Variants in GALNT6 observed in about 807,000 individuals in gnomAD.
GALNT6 encodes polypeptide N-acetylgalactosaminyltransferase 6, also known as GalNAc transferase 6.
Under a neutral mutation model 65.9 loss-of-function variants are expected in GALNT6, and 51 were observed. That is an observed-to-expected ratio of 0.77 (90% confidence interval 0.62 to 0.98). GALNT6 has a LOEUF of 0.98. Among genes scored for constraint, GALNT6 ranks in the 50% least tolerant of loss-of-function variants. The pLI, the probability that GALNT6 is intolerant of heterozygous loss-of-function variation, is 0.00. For missense variants in GALNT6, 708 were observed against 803.3 expected (o/e 0.88, Z 1.43); for synonymous variants, 323 against 315.1 (o/e 1.02, Z -0.26).
chr12:51,390,592 T>C (rs1948038654), intron 2 of GALNT6, among the ~76,000 whole-genome samples: 1 of 152,250 alleles, frequency 6.6e-6, no homozygotes, highest in Non-Finnish European at 1.5e-5. Flanking sequence ...GAGCGGAGAA[T>C]AGGGCCTGTG....
In GALNT6 at chr12:51,364,329, G is replaced by T. The variant is rs1160353304; in HGVS notation, c.841C>A (p.Pro281Thr). The change falls in exon 6 of 12, where the codon CCC becomes ACC. Residue 281 changes from proline to threonine, a missense_variant. Coordinates refer to ENST00000356317, the MANE Select transcript of GALNT6 (RefSeq NM_007210.4). Reference sequence around the variant, plus strand: ...TCCTCAGCGATTCGAGCCAGGAGGGGCTCCAGCCAGCCGTGGAAGCACTCA... The same window carrying T: ...TCCTCAGCGATTCGAGCCAGGAGGGTCTCCAGCCAGCCGTGGAAGCACTCA... ...HCECFHGWLEPLLARIAEDKT... is the reference protein window; with the variant it reads ...HCECFHGWLETLLARIAEDKT... 1 of 1,613,968 alleles carries T rather than the reference G, an allele frequency of 6.2e-7. No homozygotes were observed. Among genetic ancestry groups the T allele is most frequent in the Non-Finnish European group, 8.5e-7 (1 of 1,179,940 alleles).
chr12:51,382,071 T>A (rs1159204165), intron 2 of GALNT6, among the ~76,000 whole-genome samples: 1 of 152,232 alleles, frequency 6.6e-6, no homozygotes, highest in Non-Finnish European at 1.5e-5. Flanking sequence ...AAATGTGGCT[T>A]CTTTTATAAC....
intron 2 of GALNT6, 111 bp from the exon 3 acceptor site, chr12:51,379,995 T>C (rs1235780085): frequency 1.0e-5 from 6 of 574,752 alleles, no homozygotes; most frequent in African/African-American, 1.9e-5. Flanking sequence ...CATCACCTTA[T>C]TGGCCACAAC....
chr12:51,379,177 A>G (rs1947570858), intron 3 of GALNT6, 114 bp downstream of exon 3: 3 of 1,006,346 alleles, frequency 3.0e-6, no homozygotes, highest in Non-Finnish European at 4.3e-6. Flanking sequence ...CCTTGCCCAT[A>G]TTATAAAATT....
At chr12:51,389,206 C>T (rs1015460168) in intron 2 of GALNT6, among the ~76,000 whole-genome samples, 8 of 152,224 alleles carry the variant, frequency 5.3e-5, no homozygotes, top group African/African-American at 1.2e-4. Context: ...ACCCAAGCTA[C>T]GGCATGGACA....
intron 3 of GALNT6, among the ~76,000 whole-genome samples, chr12:51,378,625 CTT>C (rs1947540274): frequency 6.6e-6 from 1 of 152,184 alleles, no homozygotes; most frequent in African/African-American, 2.4e-5. Context: ...GGGTATAACA[CTT>C]GACCTGGAAA....
chr12:51,376,429 T>C (rs1947453724), intron 4 of GALNT6, among the ~76,000 whole-genome samples: 1 of 151,490 alleles, frequency 6.6e-6, no homozygotes, highest in South Asian at 2.1e-4. Context: ...AGTTCGGGAG[T>C]TCGAGACCAA....
rs532794087 is a variant in GALNT6, at chr12:51,370,282, C to T, written c.665-4703G>A. Among the ~76,000 whole-genome samples, 9 of 152,328 alleles carry T rather than the reference C, an allele frequency of 5.9e-5. No homozygotes were observed. In the South Asian group the frequency reaches 1.0e-3, roughly 18 times the overall value. Reference sequence around the variant, plus strand: ...ATTCTGGGCCGGGTTTGGTGGCTCACGCCTGTAATCTCAGCACTTTGGGAG... The same window carrying T: ...ATTCTGGGCCGGGTTTGGTGGCTCATGCCTGTAATCTCAGCACTTTGGGAG... On this transcript the variant is annotated intron_variant, in intron 4 of 11. Coordinates refer to ENST00000356317, the MANE Select transcript of GALNT6 (RefSeq NM_007210.4).
intron 4 of GALNT6, among the ~76,000 whole-genome samples, chr12:51,373,474 C>T (rs1324085381): frequency 6.6e-6 from 1 of 152,130 alleles, no homozygotes; most frequent in Non-Finnish European, 1.5e-5. Context: ...TGTTTGCTTC[C>T]CCTTCTGCCA....
At chr12:51,382,331 A>G (rs1947701207) in intron 2 of GALNT6, 1 of 152,116 alleles carries the variant, frequency 6.6e-6, no homozygotes, top group Non-Finnish European at 1.5e-5. Context: ...AAGCAGAATC[A>G]AAGAGGTACC....
intron 9 of GALNT6, among the ~76,000 whole-genome samples, 195 bp downstream of exon 9, chr12:51,357,935 G>T (rs926996896): frequency 6.6e-6 from 1 of 152,192 alleles, no homozygotes; most frequent in Non-Finnish European, 1.5e-5. Flanking sequence ...ACTGCTTGTG[G>T]GTTGTTTTGC....
chr12:51,374,870 T>C (rs1236430942), intron 4 of GALNT6, among the ~76,000 whole-genome samples: 1 of 152,204 alleles, frequency 6.6e-6, no homozygotes, highest in African/African-American at 2.4e-5. Flanking sequence ...CCTTCTGAAA[T>C]GAAGTCACAG....
chr12:51,386,461 T>G (rs1205754104), intron 2 of GALNT6, among the ~76,000 whole-genome samples: 1 of 152,244 alleles, frequency 6.6e-6, no homozygotes, highest in East Asian at 1.9e-4. Context: ...CAGCCTTAGC[T>G]TTTGTGAATG....
At chr12:51,389,455 G>A (rs192627980) in intron 2 of GALNT6, among the ~76,000 whole-genome samples, 1 of 152,178 alleles carries the variant, frequency 6.6e-6, no homozygotes, top group Non-Finnish European at 1.5e-5. Flanking sequence ...TTGCATTCAG[G>A]CCTATGTATC....
chr12:51,390,156 C>CTTTCTTTTTTTTT (rs1413158644), intron 2 of GALNT6, among the ~76,000 whole-genome samples: 1 of 116,322 alleles, frequency 8.6e-6, no homozygotes, highest in Non-Finnish European at 1.7e-5. Context: ...TTCTTTCTTT[C>CTTTCTTTTTTTTT]TTTTTTTTTT....
chr12:51,365,346 G>C, intron 5 of GALNT6, 84 bp downstream of exon 5: 1 of 1,307,412 alleles, frequency 7.6e-7, no homozygotes, highest in Non-Finnish European at 1.1e-6. Context: ...AACAGGAAGG[G>C]GCCTTGGGGA....
chr12:51,380,329 T>C (rs903441589), intron 2 of GALNT6, among the ~76,000 whole-genome samples: 1 of 152,138 alleles, frequency 6.6e-6, no homozygotes, highest in African/African-American at 2.4e-5. Flanking sequence ...GGCAACAAAC[T>C]GGTAAAACCT....
rs139960752 is a variant in GALNT6, at chr12:51,388,325, C to T, written c.-104+2525G>A. 1.0e-3 allele frequency among the ~76,000 whole-genome samples: 154 copies of T among 152,358 alleles called. 1 individual carries two copies. Among genetic ancestry groups the T allele is most frequent in the South Asian group, 3.7e-3 (18 of 4,828 alleles). ...CTTTCACAATCAGGACAGCCGTATT[C>T]ATATTCCTTGAGCACTGTTTGACTG... is the stretch of plus-strand genomic sequence containing the variant. On this transcript the variant is annotated intron_variant, in intron 2 of 11. Transcript: ENST00000356317.
intron 2 of GALNT6, among the ~76,000 whole-genome samples, chr12:51,380,666 C>T (rs1401023944): frequency 6.6e-6 from 1 of 152,184 alleles, no homozygotes; most frequent in African/African-American, 2.4e-5. Context: ...TAGCGCATGC[C>T]TGTAATCCCA....
Sources: allele counts gnomAD v4.1 joint callset (sites outside exome capture counted in the v4.1 genomes callset), GRCh38; gene constraint gnomAD v4.1.1; transcripts MANE v1.5; gene names NCBI Gene and HGNC (gene_info 2026-07-23, HGNC 2026-07-21).